Variants in JAZF1 observed in about 807,000 individuals in gnomAD.
JAZF1 encodes the protein JAZF zinc finger 1.
JAZF1 carries 8 observed loss-of-function variants against 26.4 expected under a neutral mutation model. That is an observed-to-expected ratio of 0.30 (90% confidence interval 0.18 to 0.55). The LOEUF is 0.55. Ranked by LOEUF, JAZF1 falls within the 20% of genes least tolerant of loss-of-function variation. JAZF1 has a pLI of 0.94. For missense variants in JAZF1, 199 were observed against 322.0 expected (o/e 0.62, Z 2.92); for synonymous variants, 126 against 122.3 (o/e 1.03, Z -0.20).
chr7:27,910,554 T>A (rs954959712), intron 2 of JAZF1, among the ~76,000 whole-genome samples: 4 of 152,204 alleles, frequency 2.6e-5, no homozygotes. Context: ...ATCCTGTTTA[T>A]CCTGCTGGTT....
chr7:27,934,532 T>C lies in JAZF1; in HGVS notation c.189-39116A>G, dbSNP rs577484815. Among the ~76,000 whole-genome samples the C allele has an allele frequency of 3.3e-5, 5 of 152,134 alleles. No individual in the cohort carries two copies. The East Asian group carries it at 7.7e-4, about 24-fold the overall frequency. ...AACATATATATTACAGTGTACCAGA[T>C]TGTTATGATAAATGCAGTTTGACAG... On this transcript the variant is annotated intron_variant, in intron 2 of 4. Coordinates refer to ENST00000283928, the MANE Select transcript of JAZF1 (RefSeq NM_175061.4).
rs79376739 is a variant in JAZF1, at chr7:28,055,764, C to T, written c.116-63783G>A. Reference sequence around the variant, plus strand: ...TTGCTGATTTGATGATAATAGCTTTCCTGAAGGAGAGCCTGTTTCCCACAC... The same window carrying T: ...TTGCTGATTTGATGATAATAGCTTTTCTGAAGGAGAGCCTGTTTCCCACAC... On this transcript the variant is annotated intron_variant, in intron 1 of 4. Coordinates refer to ENST00000283928, the MANE Select transcript of JAZF1 (RefSeq NM_175061.4). 4.1e-3 allele frequency among the ~76,000 whole-genome samples: 629 copies of T among 152,134 alleles called. 10 individuals are homozygous for T. The highest frequency in any genetic ancestry group is 0.014 in the African/African-American group (599 of 41,504).
intron 1 of JAZF1, among the ~76,000 whole-genome samples, chr7:28,020,957 A>G (rs10251664): frequency 0.76 from 115,861 of 152,092 alleles, 45,948 homozygotes; most frequent in Non-Finnish European, 0.88. Flanking sequence ...TTCAAAATTA[A>G]ATTTCTTTTC....
At chr7:28,156,301 T>C (rs968847034) in intron 1 of JAZF1, among the ~76,000 whole-genome samples, 1 of 152,212 alleles carries the variant, frequency 6.6e-6, no homozygotes, top group Non-Finnish European at 1.5e-5. Flanking sequence ...AGGACTGAGA[T>C]TGCTCTGTGT....
chr7:27,955,974 G>C (rs2128355929), intron 2 of JAZF1, among the ~76,000 whole-genome samples: 1 of 152,264 alleles, frequency 6.6e-6, no homozygotes, highest in Middle Eastern at 3.4e-3. Context: ...CATGGGATGA[G>C]TGTTCTCAAG....
intron 1 of JAZF1, among the ~76,000 whole-genome samples, chr7:28,000,368 A>G (rs1256027653): frequency 6.6e-6 from 1 of 152,152 alleles, no homozygotes; most frequent in Non-Finnish European, 1.5e-5. Context: ...AGTAGCGCCT[A>G]CAACAAAGAG....
At chr7:28,036,779 T>C (rs186536785) in intron 1 of JAZF1, among the ~76,000 whole-genome samples, 15 of 152,296 alleles carry the variant, frequency 9.8e-5, no homozygotes, top group Non-Finnish European at 2.9e-5. Flanking sequence ...GTATGGGATG[T>C]TGGGGGTGAG....
intron 1 of JAZF1, among the ~76,000 whole-genome samples, chr7:28,085,081 C>A (rs1479798863): frequency 2.0e-5 from 3 of 152,246 alleles, no homozygotes; most frequent in South Asian, 2.1e-4. Context: ...GAAATAAATT[C>A]TTTTCTTTAT....
Position 28,175,997 on chromosome 7 carries a change from A to AT in JAZF1, c.115+4465dup, listed in dbSNP as rs768236008. On this transcript the variant is annotated intron_variant, in intron 1 of 4. Transcript: ENST00000283928. ...TACAGTTTTGATAGTAAGTGCCCTGATTTTTTTTTACAGAAACTTTGACCT... is the reference window on the plus strand; with the variant it reads ...TACAGTTTTGATAGTAAGTGCCCTGATTTTTTTTTTACAGAAACTTTGACCT... Among the ~76,000 whole-genome samples, 83 of 151,660 alleles carry AT rather than the reference A, an allele frequency of 5.5e-4. 1 individual carries two copies. The highest frequency in any genetic ancestry group is 1.7e-3 in the African/African-American group (69 of 41,402).
Position 28,176,530 on chromosome 7 carries a change from C to A in JAZF1, c.115+3933G>T, listed in dbSNP as rs537183659. 2.4e-4 allele frequency among the ~76,000 whole-genome samples: 37 copies of A among 152,312 alleles called. 1 individual carries two copies. Among genetic ancestry groups the A allele is most frequent in the African/African-American group, 8.7e-4 (36 of 41,560 alleles). Reference sequence around the variant, plus strand: ...CTCCGGACCCTGATCTAGTTTTTCTCTTTTCTGTATCACTAACCACCTCCC... The same window carrying A: ...CTCCGGACCCTGATCTAGTTTTTCTATTTTCTGTATCACTAACCACCTCCC... On this transcript the variant is annotated intron_variant, in intron 1 of 4. Coordinates refer to ENST00000283928, the MANE Select transcript of JAZF1 (RefSeq NM_175061.4).
chr7:27,907,984 A>T (rs181244827), intron 2 of JAZF1, among the ~76,000 whole-genome samples: 1 of 152,174 alleles, frequency 6.6e-6, no homozygotes, highest in Non-Finnish European at 1.5e-5. Flanking sequence ...ATTTTCTTCT[A>T]TATCTACTGA....
At chr7:27,852,292 T>C (rs1169596056) in intron 3 of JAZF1, among the ~76,000 whole-genome samples, 1 of 152,010 alleles carries the variant, frequency 6.6e-6, no homozygotes. Context: ...CCCCAACACC[T>C]GGCTAATTTT....
chr7:27,877,617 C>T (rs1441651283), intron 3 of JAZF1, among the ~76,000 whole-genome samples: 1 of 152,166 alleles, frequency 6.6e-6, no homozygotes, highest in Non-Finnish European at 1.5e-5. Flanking sequence ...TGACAAGTGG[C>T]CTCTGTGCAG....
At chr7:28,099,020 T>A (rs6958010) in intron 1 of JAZF1, among the ~76,000 whole-genome samples, 2 of 152,062 alleles carry the variant, frequency 1.3e-5, no homozygotes, top group Admixed American at 1.3e-4. Context: ...CTAATAAGCA[T>A]CAGGGCAAAG....
At chr7:27,905,550 C>A (rs918221005) in intron 2 of JAZF1, among the ~76,000 whole-genome samples, 3 of 149,010 alleles carry the variant, frequency 2.0e-5, no homozygotes, top group African/African-American at 4.9e-5. Flanking sequence ...ATTTATTTTT[C>A]TTTTTATTTT....
chr7:27,854,162 A>T (rs1377805019), intron 3 of JAZF1, among the ~76,000 whole-genome samples: 1 of 152,116 alleles, frequency 6.6e-6, no homozygotes, highest in Non-Finnish European at 1.5e-5. Flanking sequence ...GCTGGTTTAA[A>T]GTCTGTTTTA....
chr7:28,124,610 G>C (rs1782667711), intron 1 of JAZF1, among the ~76,000 whole-genome samples: 1 of 152,158 alleles, frequency 6.6e-6, no homozygotes, highest in Non-Finnish European at 1.5e-5. Flanking sequence ...CATGTCCTTT[G>C]CACTTTACCT....
rs191172613 is a variant in JAZF1 at position 27,956,862 on chromosome 7, A to T, written c.188+35047T>A. Among the ~76,000 whole-genome samples, 148 of 152,368 alleles carry T rather than the reference A, an allele frequency of 9.7e-4. 2 individuals are homozygous for T. The highest frequency in any genetic ancestry group is 1.9e-3 in the South Asian group (9 of 4,830). ...TCAACCACTGAGGGACTGGGAGGCT[A>T]GAGAGGCAGTAAACTCTGTTGAGTG... is the stretch of plus-strand genomic sequence containing the variant. On this transcript the variant is annotated intron_variant, in intron 2 of 4. Coordinates refer to ENST00000283928, the MANE Select transcript of JAZF1 (RefSeq NM_175061.4).
intron 2 of JAZF1, chr7:27,914,656 C>CATTT: frequency 4.4e-6 from 2 of 459,312 alleles, no homozygotes; most frequent in Non-Finnish European, 9.1e-6. Flanking sequence ...GTGTGGCCAA[C>CATTT]ATTTACCTTG....
Sources: gnomAD v4.1 joint callset for allele counts (sites outside exome capture counted in the v4.1 genomes callset) on GRCh38, gnomAD v4.1.1 for gene constraint, MANE v1.5 for transcripts, NCBI Gene and HGNC (gene_info 2026-07-23, HGNC 2026-07-21) for gene names.